The following FRMD4B variants were observed in gnomAD, a reference collection of about 807,000 sequenced individuals.
FRMD4B encodes FERM domain-containing protein 4B.
A neutral mutation model predicts 141.5 loss-of-function variants in FRMD4B; 74 were observed. The ratio of observed to expected loss-of-function variants is 0.52; its 90% confidence interval spans 0.43 to 0.63. The LOEUF (loss-of-function observed/expected upper bound fraction) is 0.63. Ranked by LOEUF, FRMD4B falls within the 30% of genes least tolerant of loss-of-function variation. FRMD4B has a pLI of 0.00. For missense variants in FRMD4B, 1,366 were observed against 1,253.4 expected, an observed-to-expected ratio of 1.09 and a Z score of -1.36; for synonymous variants, 506 against 467.9, an observed-to-expected ratio of 1.08 and a Z score of -1.05.
chr3:69,426,322 G>A (rs1175558259), intron 2 of FRMD4B, among the ~76,000 whole-genome samples: 4 of 53,212 alleles, frequency 7.5e-5, no homozygotes, highest in East Asian at 5.9e-4. Context: ...TTTTAAAAGC[G>A]TGTGTGTGTG....
chr3:69,465,645 GT>G (rs1285135479), intron 1 of FRMD4B, among the ~76,000 whole-genome samples: 1 of 151,930 alleles, frequency 6.6e-6, no homozygotes, highest in African/African-American at 2.4e-5. Flanking sequence ...GTGGTGTTTG[GT>G]TTTCTGTTCT....
chr3:69,494,561 AG>A (rs1489368139), intron 1 of FRMD4B, among the ~76,000 whole-genome samples: 1 of 152,138 alleles, frequency 6.6e-6, no homozygotes, highest in Non-Finnish European at 1.5e-5. Flanking sequence ...ATGTGGGAAG[AG>A]GGGTGGTAGT....
chr3:69,439,274 G>GAT (rs1705308066), intron 1 of FRMD4B, among the ~76,000 whole-genome samples: 1 of 152,072 alleles, frequency 6.6e-6, no homozygotes, highest in African/African-American at 2.4e-5. Context: ...GGTAGTGTCC[G>GAT]ATTTTTGTTA....
intron 8 of FRMD4B, among the ~76,000 whole-genome samples, chr3:69,223,947 C>A (rs1260843894): frequency 6.6e-6 from 1 of 152,190 alleles, no homozygotes; most frequent in African/African-American, 2.4e-5. Flanking sequence ...TGGGAATATA[C>A]TTCCAACTTC....
intron 7 of FRMD4B, among the ~76,000 whole-genome samples, chr3:69,237,800 G>A (rs1379713491): frequency 2.0e-5 from 3 of 152,100 alleles, no homozygotes; most frequent in African/African-American, 4.8e-5. Flanking sequence ...GCGCGATCTC[G>A]GCTGACTGCA....
intron 2 of FRMD4B, among the ~76,000 whole-genome samples, chr3:69,391,255 TTTA>T (rs1704377192): frequency 1.3e-5 from 2 of 151,692 alleles, no homozygotes; most frequent in African/African-American, 2.4e-5. Context: ...TTTATTTTTT[TTTA>T]TTATTATACT....
At chr3:69,377,351 C>T (rs1703997794) in intron 1 of FRMD4B, among the ~76,000 whole-genome samples, 1 of 152,114 alleles carries the variant, frequency 6.6e-6, no homozygotes, top group South Asian at 2.1e-4. Flanking sequence ...AAAAGTGTAG[C>T]AAGCAGTCAG....
upstream of FRMD4B, among the ~76,000 whole-genome samples, chr3:69,390,058 T>C (rs567433768): frequency 1.3e-5 from 2 of 152,220 alleles, no homozygotes; most frequent in Admixed American, 1.3e-4. Flanking sequence ...AGTTGTGCTG[T>C]CGTAAAAGAG....
intron 1 of FRMD4B, among the ~76,000 whole-genome samples, chr3:69,359,441 A>C (rs539701735): frequency 5.3e-5 from 8 of 152,224 alleles, no homozygotes; most frequent in Non-Finnish European, 1.0e-4. Context: ...ACAGAAAATT[A>C]ATTCATAATT....
At position 69,187,887 on chromosome 3, in the gene FRMD4B, C is replaced by G. The variant is rs768015246; in HGVS notation, c.1802G>C (p.Arg601Pro). The stretch of plus-strand genomic sequence containing the variant: ...TGGAGAATGAGGTACTGAACTTGAT[C>G]GCTGCCCAGGAAAAGTGAAGGCATC... Reference protein sequence around the residue: ...PSDAFTFPGQRSSSVPHSPRI... With the variant: ...PSDAFTFPGQPSSSVPHSPRI... The change falls in exon 19 of 23, where the codon CGA becomes CCA. Residue 601 changes from arginine (R) to proline (P), a missense_variant. Physicochemically the swap from Arg to Pro is moderately radical, Grantham distance 103 (BLOSUM62 -2). Transcript: ENST00000398540. 1 of 1,598,786 alleles carries G rather than the reference C, an allele frequency of 6.3e-7. No homozygotes were observed. Among genetic ancestry groups the G allele is most frequent in the East Asian group, 2.2e-5 (1 of 44,578 alleles).
Position 69,386,026 on chromosome 3 carries a change from C to A in FRMD4B, c.-37G>T. On this transcript the variant is annotated 5_prime_UTR_variant, in exon 1 of 23. Coordinates refer to ENST00000398540, the MANE Select transcript of FRMD4B (RefSeq NM_015123.3). ...CGCTCTGAACCCGGGCGTCCCGGCT[C>A]TCGTACGTGCAGCCCCGACCCCAGC... 1 of 1,526,664 alleles carries A rather than the reference C, an allele frequency of 6.6e-7. No homozygotes were observed. 94.6% of individuals were successfully genotyped at this position (1,526,664 alleles called of 1,614,324 possible). A position where few individuals can be genotyped will look rare whatever the true frequency, so the allele number is the denominator to read the frequency against.
intron 1 of FRMD4B, among the ~76,000 whole-genome samples, chr3:69,501,962 T>A (rs1412793592): frequency 6.6e-6 from 1 of 152,054 alleles, no homozygotes; most frequent in Admixed American, 6.6e-5. Context: ...TACCTAGGAA[T>A]CCAACTTACA....
intron 2 of FRMD4B, among the ~76,000 whole-genome samples, chr3:69,427,260 AAATAT>A (rs1705097224): frequency 6.7e-6 from 1 of 148,276 alleles, no homozygotes; most frequent in Non-Finnish European, 1.5e-5. Context: ...CATACTATAT[AAATAT>A]AATATATATT....
chr3:69,398,103 G>A (rs537512090), intron 2 of FRMD4B, among the ~76,000 whole-genome samples: 1 of 152,230 alleles, frequency 6.6e-6, no homozygotes, highest in South Asian at 2.1e-4. Flanking sequence ...ATAAAACTGA[G>A]TGCATGCATG....
At chr3:69,541,898 T>A (rs142645780) in intron 1 of FRMD4B, among the ~76,000 whole-genome samples, 1 of 151,688 alleles carries the variant, frequency 6.6e-6, no homozygotes, top group East Asian at 2.0e-4. Context: ...AAGCACGCGG[T>A]CCCCGGCGGC....
chr3:69,302,449 G>A lies in FRMD4B; in HGVS notation c.324-14C>T, dbSNP rs753825758. On this transcript the variant is annotated splice_polypyrimidine_tract_variant and intron_variant, in intron 3 of 22. Coordinates refer to ENST00000398540, the MANE Select transcript of FRMD4B (RefSeq NM_015123.3). ...TTCTGCTGACCTCTGTGAGAGCAAA[G>A]CAAAGAAAAAGGATTCAACAGAAAG... 1 of 1,496,134 alleles carries A rather than the reference G, an allele frequency of 6.7e-7. No homozygotes were observed. The highest frequency in any genetic ancestry group is 2.3e-5 in the East Asian group (1 of 43,934). 92.7% of individuals were successfully genotyped at this position (1,496,134 alleles called of 1,614,324 possible). A position where few individuals can be genotyped will look rare whatever the true frequency, so the allele number is the denominator to read the frequency against.
At chr3:69,244,819 A>G (rs139811316) in intron 7 of FRMD4B, among the ~76,000 whole-genome samples, 3,494 of 152,252 alleles carry the variant, frequency 0.023, 129 homozygotes, top group African/African-American at 0.08. Context: ...GCTTGAACCC[A>G]GGAGGTGGAG....
chr3:69,441,203 G>C (rs1014843153), intron 1 of FRMD4B, among the ~76,000 whole-genome samples: 8 of 152,096 alleles, frequency 5.3e-5, no homozygotes, highest in African/African-American at 1.9e-4. Flanking sequence ...CTTCCTCCTG[G>C]ACTTTTATTG....
chr3:69,266,778 G>T (rs2106898753), intron 5 of FRMD4B, among the ~76,000 whole-genome samples: 1 of 152,316 alleles, frequency 6.6e-6, no homozygotes, highest in South Asian at 2.1e-4. Flanking sequence ...ATCACCACTG[G>T]AGGCCAAGAT....
Sources: allele counts gnomAD v4.1 joint callset (sites outside exome capture counted in the v4.1 genomes callset), GRCh38; gene constraint gnomAD v4.1.1; transcripts MANE v1.5; gene names NCBI Gene and HGNC (gene_info 2026-07-23, HGNC 2026-07-21).